Variants in PTPN3 observed in about 807,000 individuals in gnomAD.
PTPN3 encodes the protein protein tyrosine phosphatase non-receptor type 3, also known as tyrosine-protein phosphatase non-receptor type 3.
PTPN3 carries 96 observed loss-of-function variants against 132.7 expected under a neutral mutation model. The ratio of observed to expected loss-of-function variants is 0.72; its 90% CI spans 0.61 to 0.86. The LOEUF (loss-of-function observed/expected upper bound fraction) is 0.86. PTPN3 is among the 40% of genes least tolerant of loss of function. The pLI, the probability that PTPN3 is intolerant of heterozygous loss-of-function variation, is 0.00. For missense variants in PTPN3, 1,125 were observed against 1,159.6 expected (o/e 0.97, Z 0.43); for synonymous variants, 398 against 429.0 (o/e 0.93, Z 0.89).
At chr9:109,459,965 T>G (rs532494067) in intron 2 of PTPN3, among the ~76,000 whole-genome samples, 1 of 151,960 alleles carries the variant, frequency 6.6e-6, no homozygotes, top group Non-Finnish European at 1.5e-5. Context: ...TGAAATCCCA[T>G]CTCTATCCTG....
chr9:109,406,950 A>T (rs563825175), intron 17 of PTPN3, among the ~76,000 whole-genome samples: 1 of 152,316 alleles, frequency 6.6e-6, no homozygotes, highest in Non-Finnish European at 1.5e-5. Context: ...TCCTAGATGT[A>T]CTGTTAGGAA....
chr9:109,398,372 GCCCTT>G (rs1255088738), intron 19 of PTPN3, among the ~76,000 whole-genome samples: 1 of 152,200 alleles, frequency 6.6e-6, no homozygotes, highest in Non-Finnish European at 1.5e-5. Flanking sequence ...AGCTACCTCT[GCCCTT>G]CCAAATGCAC....
intron 12 of PTPN3, 124 bp from the exon 13 acceptor site, chr9:109,422,976 G>A: frequency 2.5e-6 from 3 of 1,189,360 alleles, no homozygotes; most frequent in South Asian, 3.0e-5. Context: ...CCAAGGTTAT[G>A]GGGAGTAGAG....
At chr9:109,506,584 CTCTT>C in the PTPN3 span, among the ~76,000 whole-genome samples, 9,302 of 145,026 alleles carry the variant, frequency 0.064, 447 homozygotes, top group East Asian at 0.23. Context: ...TCCTCTCTCT[CTCTT>C]TCTTTTCTTT....
chr9:109,380,707 A>G (rs563133448), intron 25 of PTPN3, among the ~76,000 whole-genome samples: 5 of 152,332 alleles, frequency 3.3e-5, no homozygotes, highest in East Asian at 1.9e-4. Flanking sequence ...AAACTAATAT[A>G]AAACTACCAA....
At chr9:109,458,646 G>T (rs1003643705) in intron 2 of PTPN3, among the ~76,000 whole-genome samples, 1 of 152,026 alleles carries the variant, frequency 6.6e-6, no homozygotes, top group Non-Finnish European at 1.5e-5. Context: ...CATGAAACAC[G>T]CCCATTTCCT....
chr9:109,500,267 A>G (rs1847846815), upstream of PTPN3, among the ~76,000 whole-genome samples: 1 of 152,212 alleles, frequency 6.6e-6, no homozygotes, highest in Non-Finnish European at 1.5e-5. Flanking sequence ...ACCGAGGTCA[A>G]CGGAGGATGT....
chr9:109,460,580 G>A (rs2132039776), intron 2 of PTPN3, among the ~76,000 whole-genome samples: 1 of 152,112 alleles, frequency 6.6e-6, no homozygotes, highest in East Asian at 1.9e-4. Flanking sequence ...TGCAACCAAA[G>A]GAAGTGGGCT....
intron 5 of PTPN3, chr9:109,449,168 T>TC: frequency 4.4e-6 from 5 of 1,148,100 alleles, no homozygotes; most frequent in Non-Finnish European, 5.3e-6. Flanking sequence ...TACTATGGGT[T>TC]CCGCTGTCAG....
At chr9:109,519,605 G>C in the PTPN3 span, among the ~76,000 whole-genome samples, 1 of 152,158 alleles carries the variant, frequency 6.6e-6, no homozygotes, top group Non-Finnish European at 1.5e-5. Context: ...GTAGCGTTGG[G>C]ACTTGAAGCC....
At chr9:109,483,218 G>A (rs956746428) in intron 1 of PTPN3, among the ~76,000 whole-genome samples, 4 of 152,176 alleles carry the variant, frequency 2.6e-5, no homozygotes, top group Non-Finnish European at 2.9e-5. Context: ...CCCAATATGC[G>A]AGTACCCTTT....
chr9:109,445,067 C>T (rs1052259965), intron 7 of PTPN3, among the ~76,000 whole-genome samples, 173 bp downstream of exon 7: 2 of 152,240 alleles, frequency 1.3e-5, no homozygotes, highest in Non-Finnish European at 2.9e-5. Flanking sequence ...CATCCCCATG[C>T]TACAGGAGAG....
At chr9:109,416,217 C>T (rs1842473812) in intron 14 of PTPN3, among the ~76,000 whole-genome samples, 1 of 152,132 alleles carries the variant, frequency 6.6e-6, no homozygotes. Context: ...GAGTTCAAGG[C>T]AGGAACCTTG....
Position 109,427,105 on chromosome 9 carries a change from A to G in PTPN3, c.846T>C (p.His282=), listed in dbSNP as rs988880096. Residue 282 remains histidine, a synonymous_variant, in exon 12 of 26, where the codon CAT becomes CAC. Coordinates refer to ENST00000374541, the MANE Select transcript of PTPN3 (RefSeq NM_002829.4). ...QRQKQAESRE[H]IVAFNMLNYR... ...AATTCAGCATGTTGAAGGCCACAAT[A>G]TGTTCCCTGGATTCAGCCTGGGAGG... 2 of 1,614,000 alleles carry G rather than the reference A, an allele frequency of 1.2e-6. No individual in the cohort carries two copies. The highest frequency in any genetic ancestry group is 1.3e-5 in the African/African-American group (1 of 74,922).
At chr9:109,463,272 T>C in intron 2 of PTPN3, 25 bp downstream of exon 2, 2 of 1,126,370 alleles carry the variant, frequency 1.8e-6, no homozygotes, top group South Asian at 3.4e-5. Flanking sequence ...TCAGGAAAAG[T>C]AAAAAAAAAA....
chr9:109,439,191 G>A (rs2131942566), intron 7 of PTPN3, among the ~76,000 whole-genome samples: 1 of 152,266 alleles, frequency 6.6e-6, no homozygotes. Flanking sequence ...AAAAAGGATG[G>A]CACCAGGTGA....
At chr9:109,521,452 G>T in the PTPN3 span, among the ~76,000 whole-genome samples, 1 of 152,240 alleles carries the variant, frequency 6.6e-6, no homozygotes, top group South Asian at 2.1e-4. Context: ...GAGCCACCAC[G>T]CCTGGCCTTG....
intron 25 of PTPN3, among the ~76,000 whole-genome samples, chr9:109,381,305 G>C (rs1452708154): frequency 2.0e-5 from 3 of 152,198 alleles, no homozygotes; most frequent in Non-Finnish European, 4.4e-5. Context: ...GGGTGGAACA[G>C]AGCTCAAAGT....
chr9:109,393,424 C>T (rs1403103452), intron 19 of PTPN3, among the ~76,000 whole-genome samples: 4 of 117,822 alleles, frequency 3.4e-5, no homozygotes, highest in Non-Finnish European at 6.6e-5. Flanking sequence ...TTCACTCTTT[C>T]ACCCAGGCTG....
Sources: gnomAD v4.1 joint callset for allele counts (sites outside exome capture counted in the v4.1 genomes callset) on GRCh38, gnomAD v4.1.1 for gene constraint, MANE v1.5 for transcripts, NCBI Gene and HGNC (gene_info 2026-07-23, HGNC 2026-07-21) for gene names.